ZBBX: variants seen among roughly 807,000 people sequenced by gnomAD.
The protein encoded by ZBBX is zinc finger B-box domain containing.
ZBBX carries 101 observed loss-of-function variants against 108.5 expected under a neutral mutation model. That is an observed-to-expected ratio of 0.93 (90% CI 0.79 to 1.10). The LOEUF (loss-of-function observed/expected upper bound fraction) is 1.10, where lower values mean the gene tolerates loss of function less well. Ranked by LOEUF, ZBBX falls within the 50% of genes least tolerant of loss-of-function variation. The pLI is 0.00. For missense variants in ZBBX, 1,009 were observed against 941.4 expected (o/e 1.07, Z -0.94); for synonymous variants, 356 against 323.4 (o/e 1.10, Z -1.08).
At chr3:167,346,212 T>A (rs1266296432) in intron 9 of ZBBX, among the ~76,000 whole-genome samples, 1 of 127,136 alleles carries the variant, frequency 7.9e-6, no homozygotes, top group Non-Finnish European at 1.7e-5. Context: ...TAATCCTTAA[T>A]AATTGCCTCT....
the ZBBX span, among the ~76,000 whole-genome samples, chr3:167,230,423 C>T: frequency 2.0e-5 from 3 of 151,716 alleles, no homozygotes; most frequent in East Asian, 5.8e-4. Context: ...AAAAGGTGAA[C>T]AAATACTTTC....
chr3:167,394,209 A>G (rs1305977261), intron 1 of ZBBX, among the ~76,000 whole-genome samples: 3 of 151,934 alleles, frequency 2.0e-5, no homozygotes, highest in East Asian at 3.9e-4. Context: ...CATTGGGTGG[A>G]GTTGTACCAT....
At position 167,372,960 on chromosome 3, in the gene ZBBX, T is replaced by A; in HGVS notation, c.-49-10A>T. ...TGATTTGTAAACACTTCTGTAAAAG[T>A]AACAAAGACAAAAGAATTATGGCAG... is the stretch of plus-strand genomic sequence containing the variant. On this transcript the variant is annotated splice_polypyrimidine_tract_variant and intron_variant, in intron 3 of 21. Transcript: ENST00000675490. The A allele has an allele frequency of 7.5e-7, 1 of 1,333,538 alleles. No homozygotes were observed. Among genetic ancestry groups the A allele is most frequent in the East Asian group, 2.3e-5 (1 of 42,724 alleles). 82.6% of individuals were successfully genotyped at this position (1,333,538 alleles called of 1,614,324 possible).
In ZBBX at chr3:167,254,722, G is replaced by A. The variant is rs927760296; in HGVS notation, c.2255-12079C>T. On this transcript the variant is annotated intron_variant, in intron 20 of 21. Transcript: ENST00000675490. ...AACAGAAAATTTCTTTGAAAATAAC[G>A]GGTAATGTACTCTACAGACAGAGAG... 1.1e-4 allele frequency among the ~76,000 whole-genome samples: 16 copies of A among 151,916 alleles called. No individual in the cohort carries two copies. The South Asian group carries it at 1.7e-3, about 16-fold the overall frequency.
chr3:167,390,088 T>C (rs1006088253), intron 1 of ZBBX, among the ~76,000 whole-genome samples: 1 of 152,182 alleles, frequency 6.6e-6, no homozygotes, highest in East Asian at 1.9e-4. Flanking sequence ...AGGGTTTTTA[T>C]GGTTTTGGAT....
At chr3:167,293,109 T>C (rs1425221356) in intron 18 of ZBBX, among the ~76,000 whole-genome samples, 2 of 152,182 alleles carry the variant, frequency 1.3e-5, no homozygotes, top group Admixed American at 6.5e-5. Flanking sequence ...ATAGCCGAAT[T>C]CTACCAGAGG....
At chr3:167,348,177 G>C (rs1349894448) in intron 9 of ZBBX, among the ~76,000 whole-genome samples, 1 of 124,426 alleles carries the variant, frequency 8.0e-6, no homozygotes, top group Non-Finnish European at 1.6e-5. Flanking sequence ...GAGAAAGAGA[G>C]AAAAAGAAGG....
chr3:167,245,939 G>T (rs1283866840), intron 20 of ZBBX, among the ~76,000 whole-genome samples: 1 of 152,046 alleles, frequency 6.6e-6, no homozygotes, highest in East Asian at 1.9e-4. Context: ...TATTTATGTG[G>T]CATTGTTATA....
intron 8 of ZBBX, among the ~76,000 whole-genome samples, chr3:167,355,563 A>G (rs993541711): frequency 6.6e-6 from 1 of 151,602 alleles, no homozygotes; most frequent in African/African-American, 2.4e-5. Context: ...ACATAGATAT[A>G]TATATCCTTT....
Position 167,397,100 on chromosome 3 carries a change from G to A in ZBBX, c.-446+10626C>T, listed in dbSNP as rs371157027. ...TAAAGCATTCAACTACTCACCTTAA[G>A]AATTGCTAAGATATTAGTCGTGAAG... is the stretch of plus-strand genomic sequence containing the variant. On this transcript the variant is annotated intron_variant, in intron 1 of 21. Transcript: ENST00000455345. 3.8e-4 allele frequency among the ~76,000 whole-genome samples: 42 copies of A among 110,786 alleles called. No homozygotes were observed. The East Asian group carries it at 6.6e-3, about 17-fold the overall frequency. 72.7% of individuals were successfully genotyped at this position (110,786 alleles called of 152,430 possible). A position where few individuals can be genotyped will look rare whatever the true frequency, so the allele number is the denominator to read the frequency against.
rs188593588 is a variant in ZBBX, at chr3:167,291,434, A to G, written c.1880-2451T>C. ...TTAAAGAAAAGAATTTTCAACCCAG[A>G]ATTTTACATCCAGCCAAACTAAGCT... On this transcript the variant is annotated intron_variant, in intron 18 of 21. Transcript: ENST00000675490. Among the ~76,000 whole-genome samples, 357 of 152,228 alleles carry G rather than the reference A, an allele frequency of 2.3e-3. 1 individual carries two copies. The highest frequency in any genetic ancestry group is 8.3e-3 in the African/African-American group (345 of 41,524).
chr3:167,345,563 C>T (rs1303407728), intron 9 of ZBBX, among the ~76,000 whole-genome samples: 1 of 151,654 alleles, frequency 6.6e-6, no homozygotes, highest in Non-Finnish European at 1.5e-5. Flanking sequence ...TATGATAATT[C>T]CTTTTTTGGG....
intron 3 of ZBBX, 164 bp from the exon 4 acceptor site, chr3:167,373,114 C>G: frequency 2.3e-6 from 1 of 428,254 alleles, no homozygotes; most frequent in Non-Finnish European, 4.1e-6. Context: ...CCTTTGTCCC[C>G]TTCAGCCACA....
intron 20 of ZBBX, among the ~76,000 whole-genome samples, chr3:167,277,958 C>A (rs1052382353): frequency 1.1e-4 from 17 of 150,538 alleles, no homozygotes; most frequent in Admixed American, 4.0e-4. Flanking sequence ...CTCAAAACCA[C>A]TCAACTACAT....
At chr3:167,271,097 T>C (rs1311466718) in intron 20 of ZBBX, among the ~76,000 whole-genome samples, 2 of 152,112 alleles carry the variant, frequency 1.3e-5, no homozygotes, top group African/African-American at 4.8e-5. Flanking sequence ...AACTTGTGAG[T>C]TGTTTGCACT....
intron 9 of ZBBX, among the ~76,000 whole-genome samples, chr3:167,337,595 A>G (rs941339748): frequency 2.2e-4 from 33 of 152,258 alleles, no homozygotes; most frequent in African/African-American, 7.2e-4. Flanking sequence ...TATTTGGTAC[A>G]AATCTGGTTT....
intron 1 of ZBBX, among the ~76,000 whole-genome samples, chr3:167,392,322 T>C (rs960620175): frequency 3.3e-5 from 5 of 151,898 alleles, no homozygotes; most frequent in African/African-American, 4.8e-5. Context: ...CATTTAATTG[T>C]ATCCAGTTTG....
At chr3:167,311,244 G>A (rs1026084245) in intron 16 of ZBBX, among the ~76,000 whole-genome samples, 2 of 152,014 alleles carry the variant, frequency 1.3e-5, no homozygotes, top group Non-Finnish European at 2.9e-5. Flanking sequence ...GGAACAACTG[G>A]ATATCCACAT....
intron 20 of ZBBX, among the ~76,000 whole-genome samples, chr3:167,261,546 G>T (rs1266819126): frequency 2.0e-5 from 3 of 151,900 alleles, no homozygotes; most frequent in Non-Finnish European, 4.4e-5. Context: ...GAGTTCACTG[G>T]AGTTGTGTAC....
Sources: gnomAD v4.1 joint callset for allele counts (sites outside exome capture counted in the v4.1 genomes callset) on GRCh38, gnomAD v4.1.1 for gene constraint, MANE v1.5 for transcripts, NCBI Gene and HGNC (gene_info 2026-07-23, HGNC 2026-07-21) for gene names.